TMEM161B: variants seen among roughly 807,000 people sequenced by gnomAD.
TMEM161B encodes the protein transmembrane protein 161B.
In TMEM161B, 34 loss-of-function variants were observed where a neutral mutation model predicts 61.8. That is an observed-to-expected ratio of 0.55 (90% CI 0.42 to 0.73). The LOEUF (loss-of-function observed/expected upper bound fraction) is 0.73, where lower values mean the gene tolerates loss of function less well. Among genes scored for constraint, TMEM161B ranks in the 30% least tolerant of loss-of-function variants. The probability of loss-of-function intolerance (pLI) is 0.00; values close to 1 mark genes in which losing one functional copy is unlikely to be tolerated. For synonymous variants in TMEM161B, 167 were observed against 192.8 expected (o/e 0.87, Z 1.11); for missense variants, 456 against 558.5 (o/e 0.82, Z 1.85).
intron 5 of TMEM161B, among the ~76,000 whole-genome samples, chr5:88,213,354 T>C (rs910040107): frequency 1.3e-5 from 2 of 152,124 alleles, no homozygotes; most frequent in African/African-American, 4.8e-5. Flanking sequence ...ATATTTTTCA[T>C]ACTTTCTTAG....
At chr5:88,248,023 A>C (rs1197350478) in intron 1 of TMEM161B, among the ~76,000 whole-genome samples, 1 of 152,132 alleles carries the variant, frequency 6.6e-6, no homozygotes, top group African/African-American at 2.4e-5. Context: ...AAAAAGGTGT[A>C]AAAGGGCATT....
chr5:88,235,583 AG>A (rs1485830026), intron 2 of TMEM161B, among the ~76,000 whole-genome samples: 1 of 152,180 alleles, frequency 6.6e-6, no homozygotes, highest in Non-Finnish European at 1.5e-5. Flanking sequence ...AGAAGTAAGC[AG>A]TCTGCAACCT....
At chr5:88,245,214 G>C (rs926187743) in intron 1 of TMEM161B, among the ~76,000 whole-genome samples, 1 of 151,844 alleles carries the variant, frequency 6.6e-6, no homozygotes, top group African/African-American at 2.4e-5. Context: ...CTAGGTTAAA[G>C]TTCAGTTCAT....
At chr5:88,250,654 C>G (rs1754217912) in intron 1 of TMEM161B, 2 of 152,168 alleles carry the variant, frequency 1.3e-5, no homozygotes, top group Admixed American at 1.3e-4. Context: ...CACTCACCAG[C>G]CTAGTTTAAA....
intron 6 of TMEM161B, 106 bp downstream of exon 6, chr5:88,206,902 CATTACAGAGTATACACTTTAA>C: frequency 1.3e-6 from 1 of 752,258 alleles, no homozygotes; most frequent in Non-Finnish European, 2.1e-6. Context: ...TTATTTTGAA[CATTACAGAGTATACACTTTAA>C]ATTTAATTTT....
chr5:88,213,365 AT>A (rs1747206408), intron 5 of TMEM161B, among the ~76,000 whole-genome samples: 2 of 152,112 alleles, frequency 1.3e-5, no homozygotes, highest in Non-Finnish European at 2.9e-5. Flanking sequence ...ACTTTCTTAG[AT>A]ATGCAGTTTC....
intron 5 of TMEM161B, among the ~76,000 whole-genome samples, chr5:88,220,233 G>T (rs1351354152): frequency 6.6e-6 from 1 of 152,010 alleles, no homozygotes; most frequent in Non-Finnish European, 1.5e-5. Flanking sequence ...GGAAGAGGGA[G>T]AAAGGTGCAA....
At chr5:88,260,437 G>A (rs1755538868) in intron 1 of TMEM161B, among the ~76,000 whole-genome samples, 1 of 152,032 alleles carries the variant, frequency 6.6e-6, no homozygotes, top group South Asian at 2.1e-4. Flanking sequence ...TTTTCAAATA[G>A]TCATTTTTAG....
intron 1 of TMEM161B, among the ~76,000 whole-genome samples, 158 bp from the exon 2 acceptor site, chr5:88,241,074 A>G (rs940062626): frequency 6.6e-5 from 10 of 151,836 alleles, no homozygotes; most frequent in Non-Finnish European, 1.5e-4. Flanking sequence ...AGGCTCCACA[A>G]CTGCAGATCA....
chr5:88,224,973 T>C (rs916722948), intron 4 of TMEM161B, among the ~76,000 whole-genome samples: 1 of 142,730 alleles, frequency 7.0e-6, no homozygotes, highest in African/African-American at 2.6e-5. Flanking sequence ...TTGTTTTTTT[T>C]TTTTTTTTTT....
chr5:88,196,564 A>G, intron 11 of TMEM161B, 76 bp from the exon 12 acceptor site: 6 of 1,413,374 alleles, frequency 4.2e-6, no homozygotes, highest in East Asian at 2.4e-5. Context: ...AAATCTTCCT[A>G]TATTTGAAAT....
chr5:88,209,464 A>C (rs1381321707), intron 5 of TMEM161B, among the ~76,000 whole-genome samples: 2 of 152,186 alleles, frequency 1.3e-5, no homozygotes, highest in Admixed American at 6.5e-5. Context: ...AATTACACCT[A>C]CCACCACACT....
At chr5:88,186,624 T>C (rs1231063636), downstream of TMEM161B, among the ~76,000 whole-genome samples, 3 of 152,146 alleles carry the variant, frequency 2.0e-5, no homozygotes, top group Non-Finnish European at 4.4e-5. Context: ...TGAAATCTTT[T>C]ATTATTAAAA....
intron 4 of TMEM161B, 24 bp from the exon 5 acceptor site, chr5:88,220,743 AAAAAAAAAGGTC>A (rs1407304956): frequency 6.6e-7 from 1 of 1,519,832 alleles, no homozygotes; most frequent in Non-Finnish European, 8.8e-7. Context: ...AAAAAAAAAA[AAAAAAAAAGGTC>A]AAAAAAAACA....
At chr5:88,264,543 G>A (rs182745562) in intron 1 of TMEM161B, among the ~76,000 whole-genome samples, 1 of 152,286 alleles carries the variant, frequency 6.6e-6, no homozygotes, top group African/African-American at 2.4e-5. Context: ...CAAGGATCTA[G>A]AACCAGAAAT....
chr5:88,187,849 G>C (rs6867253), downstream of TMEM161B, among the ~76,000 whole-genome samples: 1 of 151,928 alleles, frequency 6.6e-6, no homozygotes, highest in Non-Finnish European at 1.5e-5. Context: ...ACTTTCCTTA[G>C]GTTTGATGAT....
intron 10 of TMEM161B, chr5:88,198,563 T>G (rs1750110741): frequency 6.5e-6 from 1 of 153,232 alleles, no homozygotes; most frequent in Admixed American, 6.5e-5. Context: ...AAGCCTCAAA[T>G]AAATTAAATA....
intron 3 of TMEM161B, among the ~76,000 whole-genome samples, chr5:88,226,690 G>A (rs1306217178): frequency 6.6e-6 from 1 of 152,128 alleles, no homozygotes; most frequent in Non-Finnish European, 1.5e-5. Context: ...ATAATTTCAT[G>A]TTAATAAACC....
At chr5:88,197,809 T>G in intron 10 of TMEM161B, 44 bp from the exon 11 acceptor site, 1 of 1,516,922 alleles carries the variant, frequency 6.6e-7, no homozygotes, top group Non-Finnish European at 9.1e-7. Context: ...AACTGACATG[T>G]TAGGAGTGAA....
Sources: allele counts gnomAD v4.1 joint callset (sites outside exome capture counted in the v4.1 genomes callset), GRCh38; gene constraint gnomAD v4.1.1; transcripts MANE v1.5; gene names NCBI Gene and HGNC (gene_info 2026-07-23, HGNC 2026-07-21).